Variants in CHCHD6 observed in about 807,000 individuals in gnomAD.
CHCHD6 encodes the protein coiled-coil-helix-coiled-coil-helix domain containing 6.
A neutral mutation model predicts 32.3 loss-of-function variants in CHCHD6; 28 were observed. The ratio of observed to expected loss-of-function variants is 0.87; its 90% CI spans 0.64 to 1.19. The LOEUF is 1.19. CHCHD6 is among the 50% of genes most tolerant of loss of function. CHCHD6 has a pLI of 0.00. For synonymous variants in CHCHD6, 122 were observed against 117.5 expected (o/e 1.04, Z -0.25); for missense variants, 333 against 307.0 (o/e 1.08, Z -0.63).
At chr3:126,872,255 G>A (rs1285631921) in intron 5 of CHCHD6, among the ~76,000 whole-genome samples, 3 of 152,160 alleles carry the variant, frequency 2.0e-5, no homozygotes, top group African/African-American at 7.2e-5. Context: ...TGTTGACAGT[G>A]CCAGGTACCA....
At position 126,851,565 on chromosome 3, in the gene CHCHD6, A is replaced by G. The variant is rs556457756; in HGVS notation, c.412-1082A>G. Reference sequence around the variant, plus strand: ...GGTGTTATTCCTCCATACAGTCACAAAAGGCAGTCCTGAGCTCCCAGGCCC... The same window carrying G: ...GGTGTTATTCCTCCATACAGTCACAGAAGGCAGTCCTGAGCTCCCAGGCCC... On this transcript the variant is annotated intron_variant, in intron 4 of 7. Coordinates refer to ENST00000290913, the MANE Select transcript of CHCHD6 (RefSeq NM_032343.3). Among the ~76,000 whole-genome samples the G allele has an allele frequency of 5.9e-5, 9 of 152,324 alleles. No individual in the cohort carries two copies. The South Asian group carries it at 1.9e-3, about 32-fold the overall frequency.
rs1034366766 is a variant in CHCHD6 at position 126,895,707 on chromosome 3, G to C, written c.496-18973G>C. Among the ~76,000 whole-genome samples, 6 of 152,218 alleles carry C rather than the reference G, an allele frequency of 3.9e-5. No individual in the cohort carries two copies. In the East Asian group the frequency reaches 1.2e-3, roughly 29 times the overall value. On this transcript the variant is annotated intron_variant, in intron 5 of 7. Coordinates refer to ENST00000290913, the MANE Select transcript of CHCHD6 (RefSeq NM_032343.3). ...CTGGTTGCAGGAGGGTGTGACTCCT[G>C]CTGGCCCCAAACTTGTTCCTTTGCT...
At chr3:126,944,983 T>C (rs1413893016) in intron 6 of CHCHD6, among the ~76,000 whole-genome samples, 1 of 152,172 alleles carries the variant, frequency 6.6e-6, no homozygotes, top group Admixed American at 6.5e-5. Context: ...GGTTTCATTG[T>C]TTGTGAGTCT....
intron 6 of CHCHD6, among the ~76,000 whole-genome samples, chr3:126,932,856 G>A (rs556838185): frequency 9.2e-5 from 14 of 152,182 alleles, no homozygotes; most frequent in African/African-American, 3.4e-4. Flanking sequence ...GGCAGGCGGG[G>A]CTTCTCTGGA....
At chr3:126,956,347 C>T (rs1257975045) in intron 6 of CHCHD6, among the ~76,000 whole-genome samples, 1 of 152,208 alleles carries the variant, frequency 6.6e-6, no homozygotes, top group Non-Finnish European at 1.5e-5. Context: ...CTAAAACCCA[C>T]TTAAGAAAAC....
At chr3:126,733,317 G>A (rs1935897262) in intron 4 of CHCHD6, 95 bp downstream of exon 4, 15 of 1,168,182 alleles carry the variant, frequency 1.3e-5, no homozygotes, top group Non-Finnish European at 1.5e-5. Context: ...CTGAAGCCCT[G>A]CTGGCTCAGG....
At chr3:126,821,103 T>C (rs1164474638) in intron 4 of CHCHD6, among the ~76,000 whole-genome samples, 1 of 152,226 alleles carries the variant, frequency 6.6e-6, no homozygotes, top group Non-Finnish European at 1.5e-5. Flanking sequence ...GTTGGCTTCT[T>C]TCACTAAGCA....
intron 5 of CHCHD6, among the ~76,000 whole-genome samples, chr3:126,912,895 G>A (rs1309530562): frequency 6.6e-6 from 1 of 152,202 alleles, no homozygotes; most frequent in Non-Finnish European, 1.5e-5. Flanking sequence ...GTCCATCCCT[G>A]CCTCAGTTAC....
chr3:126,914,564 G>T, intron 5 of CHCHD6, 116 bp from the exon 6 acceptor site: 1 of 715,772 alleles, frequency 1.4e-6, no homozygotes, highest in Non-Finnish European at 2.6e-6. Flanking sequence ...ATTACCAGTC[G>T]GCTTTGATGC....
intron 1 of CHCHD6, among the ~76,000 whole-genome samples, chr3:126,723,278 A>T (rs773956986): frequency 2.1e-4 from 32 of 152,114 alleles, no homozygotes; most frequent in Non-Finnish European, 3.4e-4. Context: ...GGAAATGTTC[A>T]TGGTAAAAAA....
rs1007071578 is a variant in CHCHD6, at chr3:126,752,601, C to T, written c.411+19379C>T. Reference sequence around the variant, plus strand: ...AAGGCCTGATCTTTCATCTCCTGCCCTCTTTTTGTTGGGAGACCTGGCTTT... The same window carrying T: ...AAGGCCTGATCTTTCATCTCCTGCCTTCTTTTTGTTGGGAGACCTGGCTTT... On this transcript the variant is annotated intron_variant, in intron 4 of 7. Transcript: ENST00000290913. 6.6e-5 allele frequency among the ~76,000 whole-genome samples: 10 copies of T among 152,344 alleles called. No individual in the cohort carries two copies. In the East Asian group the frequency reaches 9.6e-4, roughly 15 times the overall value.
chr3:126,820,575 G>A (rs1367681775), intron 4 of CHCHD6, among the ~76,000 whole-genome samples: 2 of 152,162 alleles, frequency 1.3e-5, no homozygotes, highest in Non-Finnish European at 2.9e-5. Flanking sequence ...TTGCCGTATA[G>A]TATTTCCTTG....
intron 4 of CHCHD6, among the ~76,000 whole-genome samples, chr3:126,770,329 T>G (rs1213014378): frequency 6.6e-6 from 1 of 152,214 alleles, no homozygotes; most frequent in African/African-American, 2.4e-5. Context: ...TATTCTTTCT[T>G]TTGTCTGATT....
chr3:126,758,689 AAGG>A (rs1375047272), intron 4 of CHCHD6, among the ~76,000 whole-genome samples: 1 of 152,170 alleles, frequency 6.6e-6, no homozygotes, highest in Non-Finnish European at 1.5e-5. Context: ...GTAGGTGAGC[AAGG>A]AGATGTGTGC....
intron 6 of CHCHD6, among the ~76,000 whole-genome samples, chr3:126,940,541 T>C (rs1000423313): frequency 6.6e-6 from 1 of 152,216 alleles, no homozygotes; most frequent in Non-Finnish European, 1.5e-5. Flanking sequence ...CTTATATGTT[T>C]AAATTCTTCT....
rs896809943 is a variant in CHCHD6 at position 126,957,460 on chromosome 3, T to G, written c.611T>G (p.Ile204Ser). ...GTCTGCTCAGGGTTGCAGGCCCAGA[T>G]TCTCCACTGCTACCGAGATCGCCCG... ...EPVCSGLQAQ[I>S]LHCYRDRPHE... The change falls in exon 7 of 8, where the codon ATT becomes AGT. Residue 204 changes from isoleucine to serine, a missense_variant. Physicochemically the swap from Ile to Ser is moderately radical, Grantham distance 142. Coordinates refer to ENST00000290913, the MANE Select transcript of CHCHD6 (RefSeq NM_032343.3). 1.2e-6 allele frequency: 2 copies of G among 1,611,186 alleles called. No homozygotes were observed. Among genetic ancestry groups the G allele is most frequent in the African/African-American group, 2.7e-5 (2 of 74,820 alleles).
chr3:126,896,085 C>T (rs1316309842), intron 5 of CHCHD6, among the ~76,000 whole-genome samples: 1 of 152,180 alleles, frequency 6.6e-6, no homozygotes, highest in African/African-American at 2.4e-5. Flanking sequence ...AGGAAGGGCA[C>T]ATCTTCCTGG....
intron 6 of CHCHD6, among the ~76,000 whole-genome samples, chr3:126,925,072 C>T (rs1251662187): frequency 2.0e-5 from 3 of 152,180 alleles, no homozygotes; most frequent in African/African-American, 7.2e-5. Context: ...CCAAATGCTC[C>T]ATCAGGAATG....
chr3:126,787,913 AG>A (rs1364470975), intron 4 of CHCHD6, among the ~76,000 whole-genome samples: 1 of 152,180 alleles, frequency 6.6e-6, no homozygotes, highest in East Asian at 1.9e-4. Context: ...CAGTTTTCAA[AG>A]GGAATGCTTC....
Sources: gnomAD v4.1 joint callset for allele counts (sites outside exome capture counted in the v4.1 genomes callset) on GRCh38, gnomAD v4.1.1 for gene constraint, MANE v1.5 for transcripts, NCBI Gene and HGNC (gene_info 2026-07-23, HGNC 2026-07-21) for gene names.